Variants in CFAP58 observed in about 807,000 individuals in gnomAD.
CFAP58 encodes the protein cilia- and flagella-associated protein 58.
Under a neutral mutation model 119.5 loss-of-function variants are expected in CFAP58, and 88 were observed. The observed-to-expected ratio is 0.74, with a 90% CI of 0.62 to 0.88. The LOEUF (loss-of-function observed/expected upper bound fraction) is 0.88, where lower values mean the gene tolerates loss of function less well. Among genes scored for constraint, CFAP58 ranks in the 40% least tolerant of loss-of-function variants. The pLI, the probability that CFAP58 is intolerant of heterozygous loss-of-function variation, is 0.00. For missense variants in CFAP58, 990 were observed against 1,021.2 expected (o/e 0.97, Z 0.42); for synonymous variants, 365 against 366.3 (o/e 1.00, Z 0.04).
At chr10:104,454,385 A>T (rs2013244808) in intron 17 of CFAP58, 37 bp from the exon 18 acceptor site, 1 of 1,489,530 alleles carries the variant, frequency 6.7e-7, no homozygotes. Context: ...GACAAAAAGG[A>T]TGTTAAGGAA....
At chr10:104,425,548 TC>T (rs1388753052) in intron 15 of CFAP58, among the ~76,000 whole-genome samples, 1 of 152,226 alleles carries the variant, frequency 6.6e-6, no homozygotes, top group Non-Finnish European at 1.5e-5. Flanking sequence ...ATGTGTCCAA[TC>T]CTTTATGTTA....
At chr10:104,428,378 T>C (rs182991199) in intron 15 of CFAP58, among the ~76,000 whole-genome samples, 100 of 152,246 alleles carry the variant, frequency 6.6e-4, no homozygotes, top group African/African-American at 2.2e-3. Flanking sequence ...TTGGGTTACT[T>C]GTAGGAGACA....
At chr10:104,403,199 A>G (rs986126801) in intron 13 of CFAP58, among the ~76,000 whole-genome samples, 1 of 152,162 alleles carries the variant, frequency 6.6e-6, no homozygotes, top group Non-Finnish European at 1.5e-5. Flanking sequence ...GTAGTGATGT[A>G]GTGAATAAGT....
chr10:104,387,310 G>C (rs1033162863), intron 9 of CFAP58, among the ~76,000 whole-genome samples: 1 of 152,198 alleles, frequency 6.6e-6, no homozygotes, highest in Non-Finnish European at 1.5e-5. Context: ...ATTGGGCTCA[G>C]TTCTGGACCA....
chr10:104,350,212 A>G (rs944840728), upstream of CFAP58, among the ~76,000 whole-genome samples: 11 of 152,234 alleles, frequency 7.2e-5, no homozygotes, highest in African/African-American at 2.7e-4. Context: ...GACATATAGT[A>G]GGTGCTCAAG....
At chr10:104,364,553 T>G (rs2014716917) in intron 3 of CFAP58, among the ~76,000 whole-genome samples, 180 bp from the exon 4 acceptor site, 1 of 152,002 alleles carries the variant, frequency 6.6e-6, no homozygotes, top group Admixed American at 6.6e-5. Context: ...TAGTACTTCT[T>G]TCCAGTTAAC....
chr10:104,453,364 A>G (rs1022789753), intron 17 of CFAP58, among the ~76,000 whole-genome samples: 35 of 152,254 alleles, frequency 2.3e-4, no homozygotes, highest in Non-Finnish European at 4.6e-4. Context: ...TTCTCTCCCA[A>G]TGGAATAATT....
chr10:104,414,998 G>A (rs547812814), intron 15 of CFAP58, among the ~76,000 whole-genome samples: 2 of 152,284 alleles, frequency 1.3e-5, no homozygotes, highest in South Asian at 2.1e-4. Flanking sequence ...TTGTGTTGCC[G>A]GCCTGCCCAC....
intron 7 of CFAP58, among the ~76,000 whole-genome samples, chr10:104,371,922 C>G (rs2132998664): frequency 6.6e-6 from 1 of 152,270 alleles, no homozygotes; most frequent in Non-Finnish European, 1.5e-5. Flanking sequence ...TCCCAGGTGG[C>G]TGTAAGTTGT....
intron 15 of CFAP58, among the ~76,000 whole-genome samples, chr10:104,434,132 GT>G (rs1185287372): frequency 6.6e-6 from 1 of 152,226 alleles, no homozygotes; most frequent in Non-Finnish European, 1.5e-5. Context: ...GTGAAATGGA[GT>G]TGATGTGTGA....
chr10:104,366,108 A>C (rs964656647), intron 5 of CFAP58, 100 bp downstream of exon 5: 24 of 1,070,446 alleles, frequency 2.2e-5, no homozygotes, highest in Non-Finnish European at 3.1e-5. Flanking sequence ...AAAGCAGCAA[A>C]TTCCCTTCAC....
chr10:104,406,834 G>T, intron 15 of CFAP58, 41 bp downstream of exon 15: 1 of 1,442,056 alleles, frequency 6.9e-7, no homozygotes, highest in Non-Finnish European at 9.8e-7. Context: ...CAAGTCCTTA[G>T]CACCACCATC....
At chr10:104,421,841 G>A (rs1466533743) in intron 15 of CFAP58, among the ~76,000 whole-genome samples, 1 of 152,200 alleles carries the variant, frequency 6.6e-6, no homozygotes, top group Non-Finnish European at 1.5e-5. Context: ...CATAGCTCAA[G>A]GATTGCACTT....
intron 15 of CFAP58, among the ~76,000 whole-genome samples, chr10:104,436,193 C>T (rs1315791516): frequency 6.6e-6 from 1 of 152,134 alleles, no homozygotes; most frequent in African/African-American, 2.4e-5. Context: ...CACATATGTA[C>T]ATTTTAATCT....
At chr10:104,374,347 C>T (rs769249597) in intron 7 of CFAP58, among the ~76,000 whole-genome samples, 31 of 150,088 alleles carry the variant, frequency 2.1e-4, no homozygotes, top group Non-Finnish European at 3.7e-4. Context: ...TGGTGACACA[C>T]GCCTGTAGTC....
At chr10:104,364,657 A>G in intron 3 of CFAP58, 76 bp from the exon 4 acceptor site, 1 of 1,365,496 alleles carries the variant, frequency 7.3e-7, no homozygotes, top group Admixed American at 2.1e-5. Context: ...TCCCATGAAA[A>G]TGAACTCAGA....
chr10:104,409,101 TA>T (rs10716203), intron 15 of CFAP58, among the ~76,000 whole-genome samples: 150,525 of 151,040 alleles, frequency 1, 75,005 homozygotes, highest in East Asian at 1. Flanking sequence ...CCCCGTCTCA[TA>T]AAAAAAAAAA....
intron 8 of CFAP58, among the ~76,000 whole-genome samples, chr10:104,378,753 G>A (rs1290386009): frequency 1.3e-5 from 2 of 152,126 alleles, no homozygotes; most frequent in African/African-American, 4.8e-5. Flanking sequence ...AAACTCCTGG[G>A]GAAGGGTCAT....
At chr10:104,359,478 T>C (rs553486849) in intron 2 of CFAP58, among the ~76,000 whole-genome samples, 3 of 152,326 alleles carry the variant, frequency 2.0e-5, no homozygotes, top group East Asian at 1.9e-4. Flanking sequence ...CATTTTATAA[T>C]GGAAAAAAAC....
Sources: gnomAD v4.1 joint callset for allele counts (sites outside exome capture counted in the v4.1 genomes callset) on GRCh38, gnomAD v4.1.1 for gene constraint, MANE v1.5 for transcripts, NCBI Gene and HGNC (gene_info 2026-07-23, HGNC 2026-07-21) for gene names.